Variants in CMSS1 observed in about 807,000 individuals in gnomAD.
The protein encoded by CMSS1 is protein CMSS1.
CMSS1 carries 33 observed loss-of-function variants against 43.5 expected under a neutral mutation model. That is an observed-to-expected ratio of 0.76 (90% CI 0.57 to 1.01). The LOEUF (loss-of-function observed/expected upper bound fraction) is 1.01, where lower values mean the gene tolerates loss of function less well. Among genes scored for constraint, CMSS1 ranks in the 50% least tolerant of loss-of-function variants. CMSS1 has a pLI of 0.00. For synonymous variants in CMSS1, 115 were observed against 117.2 expected, an observed-to-expected ratio of 0.98 and a Z score of 0.12; for missense variants, 313 against 326.4, an observed-to-expected ratio of 0.96 and a Z score of 0.32.
intron 1 of CMSS1, among the ~76,000 whole-genome samples, chr3:99,986,920 T>C (rs1709358151): frequency 6.6e-6 from 1 of 152,014 alleles, no homozygotes; most frequent in South Asian, 2.1e-4. Context: ...CAAGAACATA[T>C]TAGGAGAGTA....
intron 1 of CMSS1, among the ~76,000 whole-genome samples, chr3:99,858,769 T>G (rs117493374): frequency 1.3e-5 from 2 of 152,310 alleles, no homozygotes; most frequent in African/African-American, 4.8e-5. Context: ...TGAAGATATC[T>G]TCTTCACTCT....
rs1475940026 is a variant in CMSS1, at chr3:99,844,438, A to G, written c.64+26395A>G. 3.9e-5 allele frequency among the ~76,000 whole-genome samples: 6 copies of G among 152,218 alleles called. No homozygotes were observed. The South Asian group carries it at 1.0e-3, about 26-fold the overall frequency. On this transcript the variant is annotated intron_variant, in intron 1 of 9. Coordinates refer to ENST00000421999, the MANE Select transcript of CMSS1 (RefSeq NM_032359.4). ...GATTATTTGGAGGAAAAAAATCTTA[A>G]TAACAGAAACCAGGGTATAGGAAAA...
intron 1 of CMSS1, among the ~76,000 whole-genome samples, chr3:99,956,550 T>C (rs1708325327): frequency 6.6e-6 from 1 of 152,212 alleles, no homozygotes; most frequent in African/African-American, 2.4e-5. Context: ...TTTCACCACG[T>C]TGGCCAGGCT....
chr3:100,125,702 C>T (rs144890786), intron 1 of CMSS1, among the ~76,000 whole-genome samples: 2 of 152,270 alleles, frequency 1.3e-5, no homozygotes, highest in Non-Finnish European at 2.9e-5. Flanking sequence ...CAGGTGGCCC[C>T]AGACTCTTCC....
chr3:99,916,459 C>T (rs1355573507), intron 1 of CMSS1, among the ~76,000 whole-genome samples: 4 of 151,330 alleles, frequency 2.6e-5, no homozygotes, highest in Non-Finnish European at 4.4e-5. Flanking sequence ...CACACACACA[C>T]ACACACACAC....
At chr3:100,016,342 G>A (rs1027068815) in intron 1 of CMSS1, among the ~76,000 whole-genome samples, 19 of 152,080 alleles carry the variant, frequency 1.2e-4, no homozygotes, top group African/African-American at 4.1e-4. Flanking sequence ...ACAGGCATGC[G>A]CACCACACAC....
intron 1 of CMSS1, among the ~76,000 whole-genome samples, chr3:99,860,636 T>G (rs879309398): frequency 6.6e-6 from 1 of 152,136 alleles, no homozygotes; most frequent in Non-Finnish European, 1.5e-5. Context: ...GTGCCCATGA[T>G]TCTGGGCTAG....
At chr3:100,117,826 T>TATATATATATATATATATATATATAC (rs2066584984) in intron 1 of CMSS1, among the ~76,000 whole-genome samples, 2 of 56,764 alleles carry the variant, frequency 3.5e-5, no homozygotes, top group African/African-American at 1.3e-4. Flanking sequence ...TAAACTGCAG[T>TATATATATATATATATATATATATAC]ATATATATAT....
chr3:100,118,867 A>G (rs2066597356), intron 1 of CMSS1, among the ~76,000 whole-genome samples: 1 of 152,204 alleles, frequency 6.6e-6, no homozygotes, highest in African/African-American at 2.4e-5. Flanking sequence ...CATAAACAGA[A>G]CACATTCTCT....
intron 1 of CMSS1, among the ~76,000 whole-genome samples, chr3:100,123,635 G>T (rs1319399177): frequency 1.3e-5 from 2 of 152,176 alleles, no homozygotes; most frequent in Non-Finnish European, 2.9e-5. Flanking sequence ...CAAGGAAAAT[G>T]ACCTGGGAAT....
chr3:100,162,284 C>G lies in CMSS1; in HGVS notation c.226-19C>G. 1 of 1,600,424 alleles carries G rather than the reference C, an allele frequency of 6.2e-7. No individual in the cohort carries two copies. The highest frequency in any genetic ancestry group is 8.5e-7 in the Non-Finnish European group (1 of 1,174,244). ...TTTTAAAATATGTCGTCCCATTTTT[C>G]TTCTTTCTCATATCTTAGAAGAAAA... On this transcript the variant is annotated intron_variant, in intron 3 of 9. Coordinates refer to ENST00000421999, the MANE Select transcript of CMSS1 (RefSeq NM_032359.4).
At chr3:100,001,496 G>A (rs1018718234) in intron 1 of CMSS1, among the ~76,000 whole-genome samples, 1 of 152,198 alleles carries the variant, frequency 6.6e-6, no homozygotes, top group African/African-American at 2.4e-5. Flanking sequence ...CCCAGTTTAT[G>A]AGAATGTATT....
In CMSS1 at chr3:99,822,592, C is replaced by T. The variant is rs144896300; in HGVS notation, c.64+4549C>T. 6.8e-3 allele frequency among the ~76,000 whole-genome samples: 1,037 copies of T among 152,128 alleles called. 4 individuals are homozygous for T. The highest frequency in any genetic ancestry group is 8.8e-3 in the African/African-American group (363 of 41,482). On this transcript the variant is annotated intron_variant, in intron 1 of 9. Coordinates refer to ENST00000421999, the MANE Select transcript of CMSS1 (RefSeq NM_032359.4). ...CTAAAACTACAAAAAATTAGCTGGG[C>T]GTGGTGGCACGCACCTGTAATCCCA...
At chr3:99,856,489 A>G (rs1031077794) in intron 1 of CMSS1, among the ~76,000 whole-genome samples, 1 of 152,230 alleles carries the variant, frequency 6.6e-6, no homozygotes, top group Non-Finnish European at 1.5e-5. Context: ...ATCCGCTCCA[A>G]TAAAAATGGG....
chr3:99,837,256 C>T (rs1247667264), intron 1 of CMSS1, among the ~76,000 whole-genome samples: 1 of 152,114 alleles, frequency 6.6e-6, no homozygotes, highest in African/African-American at 2.4e-5. Flanking sequence ...AACTATCTGC[C>T]TCTTGTGTTA....
At chr3:100,010,778 A>AT (rs11371196) in intron 1 of CMSS1, among the ~76,000 whole-genome samples, 64,512 of 94,016 alleles carry the variant, frequency 0.69, 22,058 homozygotes, top group Middle Eastern at 0.82. Flanking sequence ...CCACGCCCGG[A>AT]TTTTTTTTTT....
At chr3:99,847,363 T>C (rs1486584096) in intron 1 of CMSS1, among the ~76,000 whole-genome samples, 1 of 151,684 alleles carries the variant, frequency 6.6e-6, no homozygotes, top group Non-Finnish European at 1.5e-5. Flanking sequence ...TTTTTTTTGC[T>C]TTGAAGTAGA....
chr3:99,974,680 CTGAG>C (rs1708918678), intron 1 of CMSS1, among the ~76,000 whole-genome samples: 1 of 152,060 alleles, frequency 6.6e-6, no homozygotes, highest in Non-Finnish European at 1.5e-5. Context: ...GCACTCCAGC[CTGAG>C]TAACAAGAGC....
intron 1 of CMSS1, among the ~76,000 whole-genome samples, chr3:100,100,977 C>T (rs1228035370): frequency 2.6e-5 from 4 of 152,058 alleles, no homozygotes; most frequent in Admixed American, 1.3e-4. Context: ...ATATGGAGAA[C>T]AGAGAAGAAA....
Sources: allele counts gnomAD v4.1 joint callset (sites outside exome capture counted in the v4.1 genomes callset), GRCh38; gene constraint gnomAD v4.1.1; transcripts MANE v1.5; gene names NCBI Gene and HGNC (gene_info 2026-07-23, HGNC 2026-07-21).